SENP6: variants seen among roughly 807,000 people sequenced by gnomAD.
SENP6 encodes the protein sentrin-specific protease 6.
A neutral mutation model predicts 134.5 loss-of-function variants in SENP6; 41 were observed. The observed-to-expected ratio is 0.30, with a 90% CI of 0.24 to 0.40. The LOEUF (loss-of-function observed/expected upper bound fraction) is 0.40, where lower values mean the gene tolerates loss of function less well. SENP6 is among the 10% of genes least tolerant of loss of function. The pLI is 1.00. For missense variants in SENP6, 1,248 were observed against 1,312.5 expected, an observed-to-expected ratio of 0.95 and a Z score of 0.76; for synonymous variants, 395 against 429.8, an observed-to-expected ratio of 0.92 and a Z score of 1.00.
rs748355400 is a variant in SENP6 at position 75,702,698 on chromosome 6, A to G, written c.2342A>G (p.Tyr781Cys). 3.7e-5 allele frequency: 59 copies of G among 1,610,596 alleles called. No homozygotes were observed. The highest frequency in any genetic ancestry group is 2.3e-5 in the Non-Finnish European group (27 of 1,178,252). The change falls in exon 19 of 24, where the codon TAT becomes TGT. Residue 781 changes from tyrosine (Y) to cysteine (C), a missense_variant. Tyr to Cys is a radical substitution (Grantham distance 194, BLOSUM62 -2). This residue lies in a region of SENP6 where 386 missense variants were observed against 395.0 expected (regional missense o/e 0.98). Coordinates refer to ENST00000447266, the MANE Select transcript of SENP6 (RefSeq NM_015571.4). ...TTCCCCGGTTTGGAAAAACCAAAGT[A>G]TGAACCTAATCCTCATTACCATGAA... Reference protein sequence around the residue: ...VCFPGLEKPKYEPNPHYHENA... With the variant: ...VCFPGLEKPKCEPNPHYHENA...
chr6:75,616,952 CTCCCAGGCTCAATT>C (rs1211637539), intron 1 of SENP6, among the ~76,000 whole-genome samples: 2 of 152,070 alleles, frequency 1.3e-5, no homozygotes, highest in Non-Finnish European at 2.9e-5. Flanking sequence ...CAGCCTCAAC[CTCCCAGGCTCAATT>C]GATCCTCCGT....
intron 6 of SENP6, among the ~76,000 whole-genome samples, chr6:75,644,958 A>T (rs965982306): frequency 2.0e-5 from 3 of 152,250 alleles, no homozygotes; most frequent in African/African-American, 7.2e-5. Flanking sequence ...TTAGTTTACT[A>T]CAAAAAATAG....
At chr6:75,638,618 ATATATTTTTTTTTTTTTTTTT>A (rs1332534084) in intron 5 of SENP6, among the ~76,000 whole-genome samples, 1 of 34,514 alleles carries the variant, frequency 2.9e-5, no homozygotes, top group African/African-American at 1.3e-4. Flanking sequence ...ATATATATAT[ATATATTTTTTTTTTTTTTTTT>A]TTTTTTTTTT....
At chr6:75,628,423 A>G (rs1233301764) in intron 3 of SENP6, among the ~76,000 whole-genome samples, 1 of 152,112 alleles carries the variant, frequency 6.6e-6, no homozygotes, top group Non-Finnish European at 1.5e-5. Flanking sequence ...ATTATTACAG[A>G]TATTTATAAT....
intron 3 of SENP6, among the ~76,000 whole-genome samples, chr6:75,624,282 A>T (rs1407209387): frequency 6.6e-6 from 1 of 152,238 alleles, no homozygotes; most frequent in African/African-American, 2.4e-5. Flanking sequence ...GTGAGTGCAT[A>T]GTATTCCATT....
At chr6:75,617,757 T>C (rs762119858) in intron 1 of SENP6, among the ~76,000 whole-genome samples, 4 of 152,226 alleles carry the variant, frequency 2.6e-5, no homozygotes, top group Admixed American at 6.5e-5. Flanking sequence ...ACCCTTTTCA[T>C]ATTCGAGAGT....
intron 5 of SENP6, among the ~76,000 whole-genome samples, chr6:75,638,612 A>AT (rs1561992887): frequency 2.6e-5 from 1 of 38,588 alleles, no homozygotes; most frequent in Admixed American, 4.1e-4. Flanking sequence ...ATATATATAT[A>AT]TATATATATA....
intron 6 of SENP6, among the ~76,000 whole-genome samples, chr6:75,643,293 C>G (rs1770171458): frequency 6.6e-6 from 1 of 151,830 alleles, no homozygotes; most frequent in Non-Finnish European, 1.5e-5. Flanking sequence ...TTGATTAAAC[C>G]CAGCTATACT....
chr6:75,606,785 CA>C (rs901918898), intron 1 of SENP6, among the ~76,000 whole-genome samples: 55 of 135,138 alleles, frequency 4.1e-4, no homozygotes, highest in Admixed American at 6.4e-4. Context: ...TTCCAAAATC[CA>C]AAAAAAAAAT....
chr6:75,649,832 A>G (rs1378211356), intron 7 of SENP6, among the ~76,000 whole-genome samples: 2 of 152,184 alleles, frequency 1.3e-5, no homozygotes, highest in African/African-American at 4.8e-5. Flanking sequence ...TATTATTTTG[A>G]AATAATTTTA....
intron 4 of SENP6, 85 bp from the exon 5 acceptor site, chr6:75,634,622 T>G (rs1208594849): frequency 7.4e-6 from 5 of 680,248 alleles, no homozygotes; most frequent in African/African-American, 1.9e-5. Flanking sequence ...TTTTGTGTGT[T>G]TGTTCAGATT....
Position 75,623,915 on chromosome 6 carries a change from C to T in SENP6, c.162C>T (p.Leu54=). 6.2e-7 allele frequency: 1 copy of T among 1,606,960 alleles called. No homozygotes were observed. The highest frequency in any genetic ancestry group is 8.5e-7 in the Non-Finnish European group (1 of 1,176,182). The part of the protein sequence containing the change: ...GDTDKDGTNL[L]SVDEDEDSET... Reference sequence around the variant, plus strand: ...TTCTGTGTAGTGGGACAAATCTGCTCAGTGTGGATGAAGATGAGGATTCTG... The same window carrying T: ...TTCTGTGTAGTGGGACAAATCTGCTTAGTGTGGATGAAGATGAGGATTCTG... Residue 54 remains leucine (L), a synonymous_variant, in exon 3 of 24, where the codon CTC becomes CTT. Transcript: ENST00000447266.
At chr6:75,614,974 TC>T (rs747464522) in intron 1 of SENP6, among the ~76,000 whole-genome samples, 1 of 152,078 alleles carries the variant, frequency 6.6e-6, no homozygotes, top group Non-Finnish European at 1.5e-5. Flanking sequence ...CACTGCAATT[TC>T]CAGCTCCTGG....
At chr6:75,643,829 A>G (rs1293905269) in intron 6 of SENP6, among the ~76,000 whole-genome samples, 12 of 152,246 alleles carry the variant, frequency 7.9e-5, no homozygotes, top group African/African-American at 1.7e-4. Context: ...TAAAATAAAT[A>G]AGACTTGATT....
chr6:75,613,762 T>A (rs1767639751), intron 1 of SENP6, among the ~76,000 whole-genome samples: 1 of 152,166 alleles, frequency 6.6e-6, no homozygotes, highest in South Asian at 2.1e-4. Context: ...TTAGGAAATA[T>A]ACATTCTCTT....
chr6:75,636,653 A>G (rs1769538298), intron 5 of SENP6, among the ~76,000 whole-genome samples: 2 of 152,180 alleles, frequency 1.3e-5, no homozygotes, highest in Non-Finnish European at 2.9e-5. Context: ...ACTACAGAGA[A>G]GGGAACAAGA....
intron 21 of SENP6, among the ~76,000 whole-genome samples, chr6:75,711,907 A>G (rs1285774442): frequency 6.6e-6 from 1 of 152,184 alleles, no homozygotes; most frequent in African/African-American, 2.4e-5. Context: ...TCCTGGCCTC[A>G]AGTGATCCGC....
chr6:75,671,400 T>C lies in SENP6; in HGVS notation c.1392+680T>C, dbSNP rs566098036. Among the ~76,000 whole-genome samples, 13 of 152,338 alleles carry C rather than the reference T, an allele frequency of 8.5e-5. No homozygotes were observed. In the South Asian group the frequency reaches 1.9e-3, roughly 22 times the overall value. ...TTCCATCTCTTCTTTCAAACTGATA[T>C]TGTCCTTTTTACATAAAGCACTTGT... is the stretch of plus-strand genomic sequence containing the variant. On this transcript the variant is annotated intron_variant, in intron 11 of 23. Coordinates refer to ENST00000447266, the MANE Select transcript of SENP6 (RefSeq NM_015571.4).
chr6:75,651,496 G>A (rs778037624), intron 7 of SENP6, among the ~76,000 whole-genome samples: 2 of 152,038 alleles, frequency 1.3e-5, no homozygotes, highest in African/African-American at 2.4e-5. Context: ...GACTGCAGGC[G>A]CATGCTGCCA....
Sources: allele counts gnomAD v4.1 joint callset (sites outside exome capture counted in the v4.1 genomes callset), GRCh38; gene constraint gnomAD v4.1.1; regional missense constraint gnomAD v4.1.1; transcripts MANE v1.5; gene names NCBI Gene and HGNC (gene_info 2026-07-23, HGNC 2026-07-21).